FGF12: variants seen among roughly 807,000 people sequenced by gnomAD.
The protein encoded by FGF12 is fibroblast growth factor 12.
A neutral mutation model predicts 23.6 loss-of-function variants in FGF12; 14 were observed. That is an observed-to-expected ratio of 0.59 (90% CI 0.39 to 0.93). The LOEUF (loss-of-function observed/expected upper bound fraction) is 0.93. Ranked by LOEUF, FGF12 falls within the 40% of genes least tolerant of loss-of-function variation. The pLI is 0.00. For missense variants in FGF12, 175 were observed against 217.8 expected (o/e 0.80, Z 1.24); for synonymous variants, 62 against 77.3 (o/e 0.80, Z 1.04).
chr3:192,179,163 T>C (rs918018787), intron 4 of FGF12, among the ~76,000 whole-genome samples: 2 of 152,106 alleles, frequency 1.3e-5, no homozygotes, highest in Non-Finnish European at 2.9e-5. Flanking sequence ...TCAAGTGAAT[T>C]TTTTTGAAAA....
chr3:192,471,606 A>T (rs913097024), intron 2 of FGF12, among the ~76,000 whole-genome samples: 21 of 152,208 alleles, frequency 1.4e-4, no homozygotes, highest in Non-Finnish European at 2.2e-4. Context: ...AAGTAACTCA[A>T]ATTACTTCTT....
chr3:192,520,658 T>C (rs1171893680), intron 2 of FGF12, among the ~76,000 whole-genome samples: 5 of 152,210 alleles, frequency 3.3e-5, no homozygotes, highest in Non-Finnish European at 7.3e-5. Context: ...TTTTTTTTAT[T>C]TGGGTGCGTG....
chr3:192,527,679 T>G (rs1724984426), intron 2 of FGF12, among the ~76,000 whole-genome samples: 1 of 152,220 alleles, frequency 6.6e-6, no homozygotes, highest in Non-Finnish European at 1.5e-5. Flanking sequence ...TTTTTTTATT[T>G]GTACATATTT....
At chr3:192,718,607 C>T (rs1718938352) in intron 2 of FGF12, among the ~76,000 whole-genome samples, 1 of 152,100 alleles carries the variant, frequency 6.6e-6, no homozygotes. Context: ...CTCCGGATCC[C>T]CAAGACAGCG....
intron 2 of FGF12, among the ~76,000 whole-genome samples, chr3:192,460,682 T>TTATATATATATA (rs35031609): frequency 7.0e-6 from 1 of 142,444 alleles, no homozygotes; most frequent in Admixed American, 7.1e-5. Context: ...ACACATATAT[T>TTATATATATATA]TATATATATA....
At chr3:192,444,084 T>C (rs1722281229) in intron 2 of FGF12, among the ~76,000 whole-genome samples, 1 of 152,170 alleles carries the variant, frequency 6.6e-6, no homozygotes. Context: ...GACATTTGCA[T>C]GGACTTTAAC....
chr3:192,522,827 G>A (rs1158124794), intron 2 of FGF12, among the ~76,000 whole-genome samples: 1 of 152,074 alleles, frequency 6.6e-6, no homozygotes, highest in Non-Finnish European at 1.5e-5. Context: ...AATAAATATA[G>A]TTTGCCACAA....
At chr3:192,233,672 T>C (rs961970578) in intron 4 of FGF12, among the ~76,000 whole-genome samples, 2 of 152,190 alleles carry the variant, frequency 1.3e-5, no homozygotes, top group African/African-American at 4.8e-5. Context: ...AGGATATTTA[T>C]AATTTGAGGT....
intron 2 of FGF12, among the ~76,000 whole-genome samples, chr3:192,479,502 C>T (rs1723420486): frequency 1.3e-5 from 2 of 151,988 alleles, no homozygotes; most frequent in South Asian, 4.2e-4. Context: ...TTTTCTCTTT[C>T]ACCAAACAAA....
intron 4 of FGF12, among the ~76,000 whole-genome samples, chr3:192,243,750 G>T (rs375067215): frequency 6.6e-6 from 1 of 151,830 alleles, no homozygotes; most frequent in East Asian, 1.9e-4. Flanking sequence ...TCAAACACAC[G>T]GTACTTATGA....
At chr3:192,464,312 C>T (rs1722945865) in intron 2 of FGF12, among the ~76,000 whole-genome samples, 1 of 152,036 alleles carries the variant, frequency 6.6e-6, no homozygotes, top group Non-Finnish European at 1.5e-5. Context: ...CTTGAGCCTC[C>T]AAAGTCCGCT....
chr3:192,172,393 C>T (rs1560178121), intron 4 of FGF12, among the ~76,000 whole-genome samples: 1 of 149,228 alleles, frequency 6.7e-6, no homozygotes, highest in Non-Finnish European at 1.5e-5. Flanking sequence ...TCTCAACCCC[C>T]CCTTCAAAAA....
At chr3:192,155,304 G>C (rs529265902) in intron 5 of FGF12, among the ~76,000 whole-genome samples, 1 of 152,198 alleles carries the variant, frequency 6.6e-6, no homozygotes, top group Non-Finnish European at 1.5e-5. Context: ...GCTGTAGACC[G>C]GAGCTGTTCC....
intron 2 of FGF12, among the ~76,000 whole-genome samples, chr3:192,499,668 A>G (rs1326488195): frequency 1.3e-5 from 2 of 150,514 alleles, no homozygotes; most frequent in Non-Finnish European, 3.0e-5. Context: ...AGTAGCTGGG[A>G]CTACAGGCAC....
chr3:192,527,811 G>A (rs1398554606), intron 2 of FGF12, among the ~76,000 whole-genome samples: 1 of 152,174 alleles, frequency 6.6e-6, no homozygotes, highest in East Asian at 1.9e-4. Flanking sequence ...TACAATCATG[G>A]TGGAAGGTGA....
At chr3:192,165,972 G>T (rs12494893) in intron 5 of FGF12, among the ~76,000 whole-genome samples, 57,041 of 152,064 alleles carry the variant, frequency 0.38, 13,648 homozygotes, top group Non-Finnish European at 0.53. Flanking sequence ...AGGCTTAACA[G>T]AGATAACATA....
At position 192,694,130 on chromosome 3, in the gene FGF12, A is replaced by G. The variant is rs529942446; in HGVS notation, c.13+33051T>C. 3.0e-4 allele frequency among the ~76,000 whole-genome samples: 46 copies of G among 152,294 alleles called. 1 individual carries two copies. Among genetic ancestry groups the G allele is most frequent in the Middle Eastern group, 3.4e-3 (1 of 294 alleles). ...TTCTCCAAGGAGGACATAAAAATAT[A>G]AAACAGGTATGTGAAAAGGTGCTCA... On this transcript the variant is annotated intron_variant, in intron 2 of 5. Transcript: ENST00000445105.
chr3:192,202,262 C>G (rs1008153582), intron 4 of FGF12, among the ~76,000 whole-genome samples: 5 of 152,212 alleles, frequency 3.3e-5, no homozygotes, highest in Middle Eastern at 6.8e-3. Context: ...TTCCCAAGAA[C>G]AGAGATTGGC....
In FGF12 at chr3:192,280,424, T is replaced by G. The variant is rs150018255; in HGVS notation, c.228+54937A>C. Among the ~76,000 whole-genome samples the G allele has an allele frequency of 7.3e-3, 1,118 of 152,256 alleles. 16 individuals carry two copies. Among genetic ancestry groups the G allele is most frequent in the African/African-American group, 0.025 (1,050 of 41,562 alleles). ...TCTCTCCATATATATTATAATTATC[T>G]GTAATTATAAAATATTTTTCATAAC... On this transcript the variant is annotated intron_variant, in intron 4 of 5. Transcript: ENST00000445105.
Sources: allele counts gnomAD v4.1 joint callset (sites outside exome capture counted in the v4.1 genomes callset), GRCh38; gene constraint gnomAD v4.1.1; transcripts MANE v1.5; gene names NCBI Gene and HGNC (gene_info 2026-07-23, HGNC 2026-07-21).